Variants in WDR47 observed in about 807,000 individuals in gnomAD.
The protein encoded by WDR47 is WD repeat-containing protein 47.
In WDR47, 32 loss-of-function variants were observed where a neutral mutation model predicts 97.2. The ratio of observed to expected loss-of-function variants is 0.33; its 90% CI spans 0.25 to 0.44. The LOEUF is 0.44. WDR47 is among the 20% of genes least tolerant of loss of function. The pLI, the probability that WDR47 is intolerant of heterozygous loss-of-function variation, is 1.00. For synonymous variants in WDR47, 375 were observed against 373.5 expected (o/e 1.00, Z -0.05); for missense variants, 782 against 1,102.3 (o/e 0.71, Z 4.11).
intron 4 of WDR47, among the ~76,000 whole-genome samples, chr1:109,013,163 C>A (rs917423685): frequency 6.6e-6 from 1 of 152,160 alleles, no homozygotes; most frequent in Non-Finnish European, 1.5e-5. Flanking sequence ...TGAACCAGAG[C>A]ACAGGCCCTC....
intron 1 of WDR47, among the ~76,000 whole-genome samples, chr1:109,035,333 G>A (rs372272951): frequency 2.0e-5 from 3 of 151,844 alleles, no homozygotes; most frequent in East Asian, 3.9e-4. Context: ...CTGAAGAAAG[G>A]CATGGGATTG....
At chr1:109,024,128 C>T (rs1001827102) in intron 1 of WDR47, among the ~76,000 whole-genome samples, 2 of 152,124 alleles carry the variant, frequency 1.3e-5, no homozygotes, top group African/African-American at 4.8e-5. Context: ...GTCAGTACAG[C>T]GGAGCCAAAC....
Position 109,015,393 on chromosome 1 carries a change from G to A in WDR47, c.243-1468C>T, listed in dbSNP as rs141226789. On this transcript the variant is annotated intron_variant, in intron 3 of 14. Transcript: ENST00000369962. Reference sequence around the variant, plus strand: ...GGCTGGAGTGCAGTGGCACGATCTCGGCTCACTGCAACCCCTGCCTCCCAG... The same window carrying A: ...GGCTGGAGTGCAGTGGCACGATCTCAGCTCACTGCAACCCCTGCCTCCCAG... 3.2e-3 allele frequency among the ~76,000 whole-genome samples: 489 copies of A among 152,106 alleles called. 10 individuals are homozygous for A. The highest frequency in any genetic ancestry group is 0.024 in the Admixed American group (373 of 15,278).
intron 1 of WDR47, among the ~76,000 whole-genome samples, chr1:109,036,898 T>C (rs1159149369): frequency 3.3e-5 from 5 of 152,156 alleles, no homozygotes; most frequent in Non-Finnish European, 7.3e-5. Context: ...TCAAGAACTA[T>C]ATACAGTGAA....
chr1:108,995,962 G>A (rs762282844), intron 7 of WDR47, 125 bp from the exon 8 acceptor site: 1 of 1,004,442 alleles, frequency 1.0e-6, no homozygotes, highest in South Asian at 1.7e-5. Flanking sequence ...GGCAAATTTA[G>A]TGTTAAAAAT....
chr1:109,013,530 G>A (rs1035116237), intron 4 of WDR47, among the ~76,000 whole-genome samples: 3 of 151,320 alleles, frequency 2.0e-5, no homozygotes, highest in Non-Finnish European at 4.4e-5. Context: ...CCCACTTCCG[G>A]GATTTAAAAA....
At chr1:109,019,500 C>G (rs1661666474) in intron 2 of WDR47, among the ~76,000 whole-genome samples, 1 of 151,436 alleles carries the variant, frequency 6.6e-6, no homozygotes, top group Non-Finnish European at 1.5e-5. Context: ...TGCATTCTGT[C>G]AGGACATTTG....
chr1:109,006,703 G>C (rs999106820), intron 5 of WDR47, among the ~76,000 whole-genome samples: 1 of 152,152 alleles, frequency 6.6e-6, no homozygotes, highest in Non-Finnish European at 1.5e-5. Context: ...AATAGAGCTT[G>C]AACTTGAACT....
intron 9 of WDR47, among the ~76,000 whole-genome samples, chr1:108,987,836 T>C (rs1182689632): frequency 6.6e-6 from 1 of 152,128 alleles, no homozygotes; most frequent in Non-Finnish European, 1.5e-5. Context: ...ATATATTAAG[T>C]AGCATATTCA....
Position 108,995,646 on chromosome 1 carries a change from G to A in WDR47, c.1625C>T (p.Thr542Ile). The change falls in exon 8 of 15, where the codon ACT becomes ATT. Residue 542 changes from threonine (T) to isoleucine (I), a missense_variant. Thr to Ile is a moderately conservative substitution (Grantham distance 89, BLOSUM62 -1). This residue lies in a region of WDR47 where 126 missense variants were observed against 121.3 expected (regional missense o/e 1.04). Transcript: ENST00000369962. ...ATTTGTTGATCCAGGATTACGAGGAGTGCTTGTATGAATATTTGAAGCATC... is the reference window on the plus strand; with the variant it reads ...ATTTGTTGATCCAGGATTACGAGGAATGCTTGTATGAATATTTGAAGCATC... ...THDASNIHTS[T>I]PRNPGSTNHI... The A allele has an allele frequency of 3.7e-6, 6 of 1,613,916 alleles. No homozygotes were observed. Among genetic ancestry groups the A allele is most frequent in the Non-Finnish European group, 5.1e-6 (6 of 1,179,820 alleles).
chr1:109,014,424 C>T (rs531465280), intron 3 of WDR47, among the ~76,000 whole-genome samples: 153 of 151,252 alleles, frequency 1.0e-3, no homozygotes, highest in Non-Finnish European at 1.2e-3. Context: ...AGACTTAAAG[C>T]TTTTTTCCTT....
intron 7 of WDR47, 58 bp from the exon 8 acceptor site, chr1:108,995,895 T>A: frequency 6.5e-7 from 1 of 1,531,870 alleles, no homozygotes; most frequent in Non-Finnish European, 8.9e-7. Flanking sequence ...ATTCCTAATA[T>A]ATACAAGGTT....
intron 2 of WDR47, 69 bp from the exon 3 acceptor site, chr1:109,017,670 A>G: frequency 8.7e-7 from 1 of 1,148,862 alleles, no homozygotes; most frequent in South Asian, 1.4e-5. Context: ...AGCAGAACAG[A>G]TGACAAAACA....
At chr1:109,020,295 G>A (rs1214238658) in intron 2 of WDR47, among the ~76,000 whole-genome samples, 1 of 149,902 alleles carries the variant, frequency 6.7e-6, no homozygotes, top group Non-Finnish European at 1.5e-5. Flanking sequence ...GGAATGCAGT[G>A]GCACGATCTC....
intron 14 of WDR47, among the ~76,000 whole-genome samples, chr1:108,973,093 C>A (rs1411788504): frequency 3.3e-5 from 5 of 152,076 alleles, no homozygotes; most frequent in Non-Finnish European, 7.4e-5. Flanking sequence ...CATCTTTATA[C>A]TTGCTGTGCT....
chr1:109,039,137 A>T (rs771597451), intron 1 of WDR47, among the ~76,000 whole-genome samples: 1 of 152,230 alleles, frequency 6.6e-6, no homozygotes. Context: ...ATGAGTGATG[A>T]GCATTTACTA....
intron 5 of WDR47, 85 bp from the exon 6 acceptor site, chr1:109,004,800 T>C (rs2101914161): frequency 7.1e-7 from 1 of 1,414,290 alleles, no homozygotes; most frequent in Non-Finnish European, 9.3e-7. Context: ...TTTTATTTTA[T>C]TATTATTATT....
intron 7 of WDR47, among the ~76,000 whole-genome samples, chr1:109,000,608 A>C (rs942892134): frequency 2.7e-5 from 4 of 150,066 alleles, no homozygotes; most frequent in Non-Finnish European, 5.9e-5. Context: ...CTGGGGTAGT[A>C]GAGGCTGCAG....
Position 108,983,433 on chromosome 1 carries a change from C to A in WDR47, c.1944G>T (p.Lys648Asn). The A allele has an allele frequency of 6.3e-7, 1 of 1,598,112 alleles. No individual in the cohort carries two copies. The highest frequency in any genetic ancestry group is 8.5e-7 in the Non-Finnish European group (1 of 1,172,636). Reference protein sequence around the residue: ...VIDPSAHETPKQPVVRFKRNK... With the variant: ...VIDPSAHETPNQPVVRFKRNK... ...TCCTTTTAAAACGTACCACCGGCTG[C>A]TTAGGAGTCTCATGTGCACTGAAAA... The change falls in exon 11 of 15, where the codon AAG becomes AAT. Residue 648 changes from lysine (K) to asparagine (N), a missense_variant. This residue lies in a region of WDR47 where 228 missense variants were observed against 396.7 expected (regional missense o/e 0.57). Transcript: ENST00000369962.
Sources: gnomAD v4.1 joint callset for allele counts (sites outside exome capture counted in the v4.1 genomes callset) on GRCh38, gnomAD v4.1.1 for gene constraint, gnomAD v4.1.1 regional missense constraint, MANE v1.5 for transcripts, NCBI Gene and HGNC (gene_info 2026-07-23, HGNC 2026-07-21) for gene names.